The following TBX6 variants were observed in gnomAD, a reference collection of about 807,000 sequenced individuals.
TBX6 encodes T-box transcription factor 6, also known as T-box transcription factor TBX6.
In TBX6, 29 loss-of-function variants were observed where a neutral mutation model predicts 42.3. The observed-to-expected ratio is 0.69, with a 90% CI of 0.51 to 0.93. The LOEUF (loss-of-function observed/expected upper bound fraction) is 0.93. Among genes scored for constraint, TBX6 ranks in the 40% least tolerant of loss-of-function variants. The probability of loss-of-function intolerance (pLI) is 0.00; values close to 1 mark genes in which losing one functional copy is unlikely to be tolerated. For synonymous variants in TBX6, 249 were observed against 245.1 expected (o/e 1.02, Z -0.15); for missense variants, 569 against 603.3 (o/e 0.94, Z 0.59).
Position 30,086,640 on chromosome 16 carries a change from A to G in TBX6, c.969T>C (p.Asp323=), listed in dbSNP as rs1189233577. 6.2e-7 allele frequency: 1 copy of G among 1,607,960 alleles called. No homozygotes were observed. Among genetic ancestry groups the G allele is most frequent in the South Asian group, 1.1e-5 (1 of 90,594 alleles). The part of the protein sequence containing the change: ...STLGGDIRES[D]PEQAPAPGEA... ...CCCCGGGGGCTGGGGCCTGTTCTGG[A>G]TCTGATTCACGAATGTCTCCACCCA... Residue 323 remains aspartate (D), a synonymous_variant, in exon 8 of 9, where the codon GAT becomes GAC. Transcript: ENST00000395224. The surrounding 1 kb of genome is among the most constrained non-coding windows in gnomAD (Gnocchi z 4.6).
At chr16:30,090,341 C>G (rs1317621803) in intron 3 of TBX6, among the ~76,000 whole-genome samples, 1 of 152,158 alleles carries the variant, frequency 6.6e-6, no homozygotes, top group Non-Finnish European at 1.5e-5. Context: ...TGGACCTAGT[C>G]ATATACTGAC....
In TBX6 at chr16:30,086,578, G is replaced by A. The variant is rs2072633992; in HGVS notation, c.1031C>T (p.Pro344Leu). The A allele has an allele frequency of 1.3e-6, 2 of 1,555,222 alleles. No individual in the cohort carries two copies. Residue 344 changes from proline (P) to leucine (L), a missense_variant, in exon 8 of 9, where the codon CCC becomes CTC. By Grantham distance (98) the Pro-to-Leu change is moderately conservative (BLOSUM62 -3). Around this residue, in one of 3 missense-constraint regions of TBX6, gnomAD observed 245 missense variants for 227.4 expected, o/e 1.08. Transcript: ENST00000395224. This position sits in a 1 kb window ranked among gnomAD's most constrained non-coding sequence, Gnocchi z 4.6. ...TAAPAPLCGG[P>L]SAEAYLLHPA... ...GTGCAGGAGGTAGGCCTCAGCACTG[G>A]GGCCACCACACAGAGGTGCCGGGGC...
rs768967229 is a variant in TBX6, at chr16:30,089,259, G to A, written c.354-49C>T. 9 of 1,579,002 alleles carry A rather than the reference G, an allele frequency of 5.7e-6. No homozygotes were observed. In the South Asian group the frequency reaches 1.0e-4, roughly 18 times the overall value. On this transcript the variant is annotated intron_variant, in intron 3 of 8. Coordinates refer to ENST00000395224, the MANE Select transcript of TBX6 (RefSeq NM_004608.4). ...AGGCCTGGAGCTACCCACTGGCCAG[G>A]GGTGGGCCCAGCACCAGTAACGGGA...
At position 30,091,359 on chromosome 16, in the gene TBX6, G is replaced by C. The variant is rs76830386; in HGVS notation, c.-48-118C>G. The C allele has an allele frequency of 1.1e-3, 701 of 613,702 alleles. 3 individuals are homozygous for C. The highest frequency in any genetic ancestry group is 0.011 in the African/African-American group (568 of 53,468). 38.0% of individuals were successfully genotyped at this position (613,702 alleles called of 1,614,324 possible). A position where few individuals can be genotyped will look rare whatever the true frequency, so the allele number is the denominator to read the frequency against. On this transcript the variant is annotated intron_variant, in intron 1 of 8. Coordinates refer to ENST00000395224, the MANE Select transcript of TBX6 (RefSeq NM_004608.4). ...GGGTGGAGACCCCTGGGGCCTCGAA[G>C]GGGTCCGAGAGGGGGTCGGATACCT... is the stretch of plus-strand genomic sequence containing the variant.
In TBX6 at chr16:30,088,820, T is replaced by C; in HGVS notation, c.641A>G (p.His214Arg). The C allele has an allele frequency of 6.2e-7, 1 of 1,614,058 alleles. No individual in the cohort carries two copies. The highest frequency in any genetic ancestry group is 8.5e-7 in the Non-Finnish European group (1 of 1,179,962). ...PHGHLILHSM[H>R]KYQPRIHLVR... ...TAGGTGTATGCGGGGTTGGTACTTG[T>C]GCATGGAGTGCAGGATCAGCTGGGA... The change falls in exon 5 of 9, where the codon CAC becomes CGC. Residue 214 changes from histidine to arginine, a missense_variant. Physicochemically the swap from His to Arg is conservative, Grantham distance 29 (BLOSUM62 0). Coordinates refer to ENST00000395224, the MANE Select transcript of TBX6 (RefSeq NM_004608.4). The surrounding 1 kb of genome is among the most constrained non-coding windows in gnomAD (Gnocchi z 4.1).
In TBX6 at chr16:30,089,133, A is replaced by G. The variant is rs781256814; in HGVS notation, c.431T>C (p.Ile144Thr). 2.1e-5 allele frequency: 34 copies of G among 1,613,968 alleles called. No homozygotes were observed. The highest frequency in any genetic ancestry group is 5.0e-5 in the Admixed American group (3 of 60,014). The change falls in exon 4 of 9, where the codon ATT becomes ACT. Residue 144 changes from isoleucine to threonine, a missense_variant. Transcript: ENST00000395224. ...EARYLFLLDV[I>T]PVDGARYRWQ... ...GCGGTAGCGAGCCCCATCCACCGGAATCACATCCAGAAGAAACAAGTAGCG... is the reference window on the plus strand; with the variant it reads ...GCGGTAGCGAGCCCCATCCACCGGAGTCACATCCAGAAGAAACAAGTAGCG...
In TBX6 at chr16:30,085,875, G is replaced by A; in HGVS notation, c.*350C>T. On this transcript the variant is annotated 3_prime_UTR_variant, in exon 9 of 9. Transcript: ENST00000395224. ...CAACAGACTGGTGTGGCCTGCACCA[G>A]TGTGTGTGGGGGGGTGGGGATTGAG... The A allele has an allele frequency of 6.0e-6, 2 of 334,168 alleles. No individual in the cohort carries two copies. Among genetic ancestry groups the A allele is most frequent in the South Asian group, 5.9e-5 (2 of 33,844 alleles). The allele number at this position is 334,168 out of a possible 1,614,324, so 20.7% of individuals were successfully genotyped here.
chr16:30,089,243 G>A (rs748739321), intron 3 of TBX6, 33 bp from the exon 4 acceptor site: 2 of 1,594,046 alleles, frequency 1.3e-6, no homozygotes, highest in African/African-American at 2.7e-5. Context: ...GAGGCCTGGA[G>A]CTACCCACTG....
chr16:30,086,757 C>T lies in TBX6; in HGVS notation c.913+21G>A, dbSNP rs113339533. ...ATCCCTGTCTCAGGCCTGGCCCCAT[C>T]GCCATCGGGACTACACTCACCTCCG... On this transcript the variant is annotated intron_variant, in intron 7 of 8. Coordinates refer to ENST00000395224, the MANE Select transcript of TBX6 (RefSeq NM_004608.4). The surrounding 1 kb of genome is among the most constrained non-coding windows in gnomAD (Gnocchi z 4.6). 1.2e-5 allele frequency: 19 copies of T among 1,613,600 alleles called. No homozygotes were observed. The highest frequency in any genetic ancestry group is 1.7e-4 in the Middle Eastern group (1 of 6,058).
chr16:30,087,795 GTCT>G (rs1313786638), intron 6 of TBX6: 2 of 152,048 alleles, frequency 1.3e-5, no homozygotes, highest in African/African-American at 2.4e-5. Flanking sequence ...TTTCTCAAGT[GTCT>G]TCTTCCCACT....
At position 30,085,989 on chromosome 16, in the gene TBX6, G is replaced by A; in HGVS notation, c.*236C>T. The stretch of plus-strand genomic sequence containing the variant: ...AGGCAGAGCCCCTTCCATTCACACG[G>A]AGGTGAGAGCCGGGAAGGGGAAGCC... On this transcript the variant is annotated 3_prime_UTR_variant, in exon 9 of 9. Transcript: ENST00000395224. 2 of 528,244 alleles carry A rather than the reference G, an allele frequency of 3.8e-6. No homozygotes were observed. The highest frequency in any genetic ancestry group is 6.6e-6 in the Non-Finnish European group (2 of 300,906). The allele number at this position is 528,244 out of a possible 1,614,324, so 32.7% of individuals were successfully genotyped here. A position where few individuals can be genotyped will look rare whatever the true frequency, so the allele number is the denominator to read the frequency against.
rs1249071405 is a variant in TBX6, at chr16:30,086,229, T to C, written c.1307A>G (p.Tyr436Cys). 6.2e-7 allele frequency: 1 copy of C among 1,611,316 alleles called. No individual in the cohort carries two copies. Among genetic ancestry groups the C allele is most frequent in the East Asian group, 2.2e-5 (1 of 44,812 alleles). The change falls in exon 9 of 9, where the codon TAC becomes TGC. Residue 436 changes from tyrosine (Y) to cysteine (C), a missense_variant. Physicochemically the swap from Tyr to Cys is radical, Grantham distance 194 (BLOSUM62 -2). Transcript: ENST00000395224. This position sits in a 1 kb window ranked among gnomAD's most constrained non-coding sequence, Gnocchi z 4.6. ...GCAGAGGGGCCCAGCAGTGGTTCAG[T>C]ACATGGGTTTGGAGCCCACATCCAG... The part of the protein sequence containing the change: ...GYLDVGSKPM[Y>C]
At position 30,088,716 on chromosome 16, in the gene TBX6, C is replaced by T; in HGVS notation, c.745G>A (p.Val249Met). 3 of 1,614,040 alleles carry T rather than the reference C, an allele frequency of 1.9e-6. No homozygotes were observed. The highest frequency in any genetic ancestry group is 1.3e-5 in the African/African-American group (1 of 74,994). The change falls in exon 5 of 9, where the codon GTG becomes ATG. Residue 249 changes from valine to methionine, a missense_variant. Around this residue, in one of 3 missense-constraint regions of TBX6, gnomAD observed 190 missense variants for 250.6 expected, o/e 0.76. Transcript: ENST00000395224. This position sits in a 1 kb window ranked among gnomAD's most constrained non-coding sequence, Gnocchi z 4.1. ...FRFPETTFIS[V>M]TAYQNPQITQ... is the part of the protein sequence containing the mutation. ...ACCTGTGGGTTCTGGTAGGCTGTCACGGAGATGAATGTGGTCTCGGGGAAG... is the reference window on the plus strand; with the variant it reads ...ACCTGTGGGTTCTGGTAGGCTGTCATGGAGATGAATGTGGTCTCGGGGAAG...
chr16:30,088,926 C>T lies in TBX6; in HGVS notation c.621+17G>A, dbSNP rs371955006. On this transcript the variant is annotated intron_variant, in intron 4 of 8. Transcript: ENST00000395224. The surrounding 1 kb of genome is among the most constrained non-coding windows in gnomAD (Gnocchi z 4.1). ...GCACCCCCCAACCCTATCCTGGAGTCCCAGCCTGGGCCTCACGTGGCCGTG... is the reference window on the plus strand; with the variant it reads ...GCACCCCCCAACCCTATCCTGGAGTTCCAGCCTGGGCCTCACGTGGCCGTG... 11 of 1,603,616 alleles carry T rather than the reference C, an allele frequency of 6.9e-6. No homozygotes were observed. The African/African-American group carries it at 1.5e-4, about 21-fold the overall frequency.
At chr16:30,090,107 G>C (rs1300372707) in intron 3 of TBX6, among the ~76,000 whole-genome samples, 37 of 152,232 alleles carry the variant, frequency 2.4e-4, no homozygotes. Flanking sequence ...GCAGAAGCAG[G>C]GGTGACTAAC....
chr16:30,088,621 G>T lies in TBX6; in HGVS notation c.769-6C>A. ...GCAATCTTCAGTTGTGTGATCTGGG[G>T]ACACACATGCAGGGTCAAAGCAACT... On this transcript the variant is annotated splice_polypyrimidine_tract_variant and splice_region_variant and intron_variant, in intron 5 of 8. Transcript: ENST00000395224. This position sits in a 1 kb window ranked among gnomAD's most constrained non-coding sequence, Gnocchi z 4.1. 1 of 1,614,176 alleles carries T rather than the reference G, an allele frequency of 6.2e-7. No homozygotes were observed. The highest frequency in any genetic ancestry group is 8.5e-7 in the Non-Finnish European group (1 of 1,180,032).
At position 30,091,118 on chromosome 16, in the gene TBX6, A is replaced by C; in HGVS notation, c.76T>G (p.Ser26Ala). Reference protein sequence around the residue: ...RLGPAQPGADSSFPPALAEGY... With the variant: ...RLGPAQPGADASFPPALAEGY... ...TCCGCTAGGGCGGGTGGGAAGCTGG[A>C]GTCGGCCCCAGGTTGGGCGGGCCCC... The change falls in exon 2 of 9, where the codon TCC becomes GCC. Residue 26 changes from serine to alanine, a missense_variant. Ser to Ala is a moderately conservative substitution (Grantham distance 99). Transcript: ENST00000395224. 6.3e-7 allele frequency: 1 copy of C among 1,588,344 alleles called. No individual in the cohort carries two copies. Among genetic ancestry groups the C allele is most frequent in the African/African-American group, 1.3e-5 (1 of 74,884 alleles).
chr16:30,090,651 C>A (rs2072706738), intron 3 of TBX6, 107 bp downstream of exon 3: 1 of 1,141,416 alleles, frequency 8.8e-7, no homozygotes, highest in Admixed American at 2.9e-5. Flanking sequence ...TAGGCCTAGG[C>A]AGAGCTCTAG....
At position 30,087,413 on chromosome 16, in the gene TBX6, C is replaced by T. The variant is rs140635291; in HGVS notation, c.840-562G>A. On this transcript the variant is annotated intron_variant, in intron 6 of 8. Transcript: ENST00000395224. ...ACCTATCCTTGCCTCACTGCAAGCG[C>T]AAGTTCCTCAAGGAAGTCCTCCCTG... Among the ~76,000 whole-genome samples, 312 of 152,268 alleles carry T rather than the reference C, an allele frequency of 2.0e-3. 1 individual carries two copies. The highest frequency in any genetic ancestry group is 3.6e-3 in the Non-Finnish European group (247 of 68,000).
Sources: allele counts gnomAD v4.1 joint callset (sites outside exome capture counted in the v4.1 genomes callset), GRCh38; gene constraint gnomAD v4.1.1; regional missense constraint gnomAD v4.1.1; non-coding constraint Gnocchi (gnomAD v3.1); transcripts MANE v1.5; gene names NCBI Gene and HGNC (gene_info 2026-07-23, HGNC 2026-07-21).